The following CPT1A variants were observed in gnomAD, a reference collection of about 807,000 sequenced individuals.
The protein encoded by CPT1A is carnitine O-palmitoyltransferase 1, liver isoform.
Under a neutral mutation model 100.8 loss-of-function variants are expected in CPT1A, and 64 were observed. That is an observed-to-expected ratio of 0.63 (90% confidence interval 0.52 to 0.78). The LOEUF (loss-of-function observed/expected upper bound fraction) is 0.78. CPT1A is among the 30% of genes least tolerant of loss of function. CPT1A has a pLI of 0.00. For synonymous variants in CPT1A, 363 were observed against 396.0 expected (o/e 0.92, Z 0.99); for missense variants, 802 against 1,034.1 (o/e 0.78, Z 3.08).
At chr11:68,785,725 A>G in intron 9 of CPT1A, 1 of 394,340 alleles carries the variant, frequency 2.5e-6, no homozygotes, top group Non-Finnish European at 4.6e-6. Flanking sequence ...CGTAAAGCCC[A>G]TGTAAATAGG....
intron 1 of CPT1A, among the ~76,000 whole-genome samples, chr11:68,822,947 G>A (rs1253727591): frequency 2.6e-5 from 4 of 152,206 alleles, no homozygotes; most frequent in Admixed American, 2.6e-4. Flanking sequence ...AAGATAGGGA[G>A]GTCATGGGTA....
chr11:68,813,710 A>G (rs1594361659), intron 2 of CPT1A, among the ~76,000 whole-genome samples: 2 of 138,882 alleles, frequency 1.4e-5, no homozygotes, highest in Admixed American at 7.3e-5. Context: ...AAAAAAAAAG[A>G]GGGGAGGGGA....
At chr11:68,833,550 A>G (rs1185039920) in intron 1 of CPT1A, among the ~76,000 whole-genome samples, 1 of 151,188 alleles carries the variant, frequency 6.6e-6, no homozygotes, top group Non-Finnish European at 1.5e-5. Context: ...TGAGGCCAGG[A>G]GTTCAAAACC....
At position 68,794,918 on chromosome 11, in the gene CPT1A, A is replaced by G. The variant is rs1855717268; in HGVS notation, c.772-7T>C. Reference sequence around the variant, plus strand: ...GAAGGATATACAGCAGATCCTGAAAAGCGACAAAGGTGGAGAGAATTTGCA... The same window carrying G: ...GAAGGATATACAGCAGATCCTGAAAGGCGACAAAGGTGGAGAGAATTTGCA... On this transcript the variant is annotated splice_region_variant and splice_polypyrimidine_tract_variant and intron_variant, in intron 7 of 18. Transcript: ENST00000265641. 1 of 1,612,262 alleles carries G rather than the reference A, an allele frequency of 6.2e-7. No homozygotes were observed. Among genetic ancestry groups the G allele is most frequent in the Admixed American group, 1.7e-5 (1 of 59,992 alleles).
chr11:68,763,176 G>A (rs899071823), intron 14 of CPT1A, among the ~76,000 whole-genome samples: 9 of 152,160 alleles, frequency 5.9e-5, no homozygotes, highest in African/African-American at 2.2e-4. Flanking sequence ...TTCAGTCTCT[G>A]GCCGCTTTTA....
chr11:68,805,703 A>G (rs1288981328), intron 4 of CPT1A, among the ~76,000 whole-genome samples: 2 of 152,210 alleles, frequency 1.3e-5, no homozygotes, highest in Non-Finnish European at 2.9e-5. Flanking sequence ...GATCAGCCCC[A>G]TTCGAGAAAG....
chr11:68,773,168 G>A, intron 14 of CPT1A, 97 bp downstream of exon 14: 1 of 1,581,332 alleles, frequency 6.3e-7, no homozygotes, highest in South Asian at 1.1e-5. Context: ...TCCTATGCCG[G>A]GTTTCGGGCC....
At chr11:68,824,875 G>A (rs1022656878) in intron 1 of CPT1A, among the ~76,000 whole-genome samples, 20 of 138,888 alleles carry the variant, frequency 1.4e-4, no homozygotes, top group Admixed American at 2.4e-4. Context: ...CTAGGCTCAC[G>A]TTAACCTTTG....
intron 1 of CPT1A, among the ~76,000 whole-genome samples, chr11:68,838,515 T>C (rs2154003099): frequency 7.5e-6 from 1 of 133,868 alleles, no homozygotes; most frequent in Non-Finnish European, 1.5e-5. Context: ...GTAATAGTGG[T>C]GGCATCTGGA....
intron 14 of CPT1A, among the ~76,000 whole-genome samples, chr11:68,768,066 CTTTTTT>C (rs71043448): frequency 3.0e-3 from 213 of 71,224 alleles, no homozygotes; most frequent in Non-Finnish European, 4.5e-3. Context: ...AGTTTCCAGT[CTTTTTT>C]TTTTTTTTTT....
rs1855767126 is a variant in CPT1A, at chr11:68,796,871, G to A, written c.756C>T (p.Ser252=). Residue 252 remains serine (S), a synonymous_variant, in exon 7 of 19, where the codon AGC becomes AGT. Coordinates refer to ENST00000265641, the MANE Select transcript of CPT1A (RefSeq NM_001876.4). Reference sequence around the variant, plus strand: ...GTGGACTCACCATGGCATAATAGTTGCTGTTCACCATGAGCGGCCCTCGTC... The same window carrying A: ...GTGGACTCACCATGGCATAATAGTTACTGTTCACCATGAGCGGCCCTCGTC... ...LRGRGPLMVN[S]NYYAMDLLYI... 1.9e-6 allele frequency: 3 copies of A among 1,614,112 alleles called. No homozygotes were observed. The highest frequency in any genetic ancestry group is 3.3e-5 in the Admixed American group (2 of 60,008).
intron 16 of CPT1A, among the ~76,000 whole-genome samples, 169 bp from the exon 17 acceptor site, chr11:68,760,507 T>C (rs1202178213): frequency 7.0e-6 from 1 of 142,610 alleles, no homozygotes; most frequent in African/African-American, 2.6e-5. Flanking sequence ...GCAGAGAGCA[T>C]GCGGGGTGGG....
At chr11:68,801,610 A>T (rs1009679751) in intron 5 of CPT1A, among the ~76,000 whole-genome samples, 1 of 151,618 alleles carries the variant, frequency 6.6e-6, no homozygotes, top group African/African-American at 2.4e-5. Context: ...AGCCTGGGTG[A>T]CAGAGCAAGA....
intron 10 of CPT1A, among the ~76,000 whole-genome samples, chr11:68,782,367 C>T (rs1240376648): frequency 6.6e-6 from 1 of 152,158 alleles, no homozygotes; most frequent in East Asian, 1.9e-4. Flanking sequence ...GTCCCTCATG[C>T]CAGGCTCTGC....
At chr11:68,830,147 G>A (rs745650340) in intron 1 of CPT1A, among the ~76,000 whole-genome samples, 11 of 152,150 alleles carry the variant, frequency 7.2e-5, no homozygotes, top group Admixed American at 3.9e-4. Flanking sequence ...ATGTGGTGGC[G>A]CACACCGGTG....
At chr11:68,782,159 C>T (rs930938474) in intron 10 of CPT1A, among the ~76,000 whole-genome samples, 200 bp from the exon 11 acceptor site, 18 of 152,162 alleles carry the variant, frequency 1.2e-4, no homozygotes, top group African/African-American at 3.1e-4. Context: ...GCATGGGGAG[C>T]GGTGGGTATT....
At chr11:68,804,195 C>A in intron 4 of CPT1A, 94 bp from the exon 5 acceptor site, 1 of 899,506 alleles carries the variant, frequency 1.1e-6, no homozygotes, top group Non-Finnish European at 1.8e-6. Flanking sequence ...AGGGTCAGTC[C>A]TGGTTAGTAC....
At chr11:68,807,886 G>A (rs1306332327) in intron 3 of CPT1A, among the ~76,000 whole-genome samples, 2 of 152,266 alleles carry the variant, frequency 1.3e-5, no homozygotes, top group Non-Finnish European at 2.9e-5. Flanking sequence ...GGGCGGGCCT[G>A]TTTGCTCTCT....
At chr11:68,779,255 A>G (rs1226830126) in intron 12 of CPT1A, among the ~76,000 whole-genome samples, 1 of 152,030 alleles carries the variant, frequency 6.6e-6, no homozygotes, top group Non-Finnish European at 1.5e-5. Flanking sequence ...CTGCAAAAAG[A>G]TGGTCTTTAT....
Sources: allele counts gnomAD v4.1 joint callset (sites outside exome capture counted in the v4.1 genomes callset), GRCh38; gene constraint gnomAD v4.1.1; transcripts MANE v1.5; gene names NCBI Gene and HGNC (gene_info 2026-07-23, HGNC 2026-07-21).